PALD1: variants seen among roughly 807,000 people sequenced by gnomAD.
PALD1 encodes the protein paladin.
Under a neutral mutation model 96.0 loss-of-function variants are expected in PALD1, and 57 were observed. That is an observed-to-expected ratio of 0.59 (90% CI 0.48 to 0.74). PALD1 has a LOEUF of 0.74. Ranked by LOEUF, PALD1 falls within the 30% of genes least tolerant of loss-of-function variation. The pLI, the probability that PALD1 is intolerant of heterozygous loss-of-function variation, is 0.00. For synonymous variants in PALD1, 464 were observed against 473.6 expected, an observed-to-expected ratio of 0.98 and a Z score of 0.26; for missense variants, 1,063 against 1,143.7, an observed-to-expected ratio of 0.93 and a Z score of 1.02.
At chr10:70,561,319 A>G (rs1415917537) in intron 18 of PALD1, among the ~76,000 whole-genome samples, 1 of 152,248 alleles carries the variant, frequency 6.6e-6, no homozygotes, top group East Asian at 1.9e-4. Flanking sequence ...AAAGCAGTTT[A>G]GAATGGCTCT....
At chr10:70,498,802 C>G (rs1417960234) in intron 1 of PALD1, among the ~76,000 whole-genome samples, 6 of 151,942 alleles carry the variant, frequency 3.9e-5, no homozygotes, top group Admixed American at 3.9e-4. Context: ...GTAGCGCGTG[C>G]CTGTAAACCC....
intron 1 of PALD1, among the ~76,000 whole-genome samples, chr10:70,499,015 T>C (rs867876934): frequency 6.6e-6 from 1 of 152,154 alleles, no homozygotes; most frequent in African/African-American, 2.4e-5. Flanking sequence ...TAGCATTTGT[T>C]ATGTTTACCA....
At chr10:70,563,705 CAG>C (rs1309159982) in intron 18 of PALD1, among the ~76,000 whole-genome samples, 1 of 152,196 alleles carries the variant, frequency 6.6e-6, no homozygotes, top group African/African-American at 2.4e-5. Flanking sequence ...CCTTTGGGCT[CAG>C]AGGCCAAGAT....
intron 1 of PALD1, among the ~76,000 whole-genome samples, chr10:70,501,838 T>TGTGTGTGTGTGTGTGTGTGTGC (rs57837334): frequency 6.7e-6 from 1 of 150,330 alleles, no homozygotes; most frequent in African/African-American, 2.5e-5. Flanking sequence ...TGTGTGTGCG[T>TGTGTGTGTGTGTGTGTGTGTGC]GCGTGCATGC....
Position 70,480,784 on chromosome 10 carries a change from G to T in PALD1, c.-30+1725G>T, listed in dbSNP as rs183546161. 2.0e-3 allele frequency among the ~76,000 whole-genome samples: 309 copies of T among 152,350 alleles called. 1 individual carries two copies. Among genetic ancestry groups the T allele is most frequent in the African/African-American group, 7.1e-3 (294 of 41,578 alleles). ...CTCCAAACAGGTGGTGCACAGACCT[G>T]GGTTACCCAGGCACCTGTGGGGGAT... is the stretch of plus-strand genomic sequence containing the variant. On this transcript the variant is annotated intron_variant, in intron 1 of 19. Transcript: ENST00000263563.
At chr10:70,469,389 A>G in the PALD1 span, among the ~76,000 whole-genome samples, 1 of 151,872 alleles carries the variant, frequency 6.6e-6, no homozygotes, top group Non-Finnish European at 1.5e-5. Context: ...ACAACTGTTT[A>G]CTCCTAACTG....
intron 1 of PALD1, among the ~76,000 whole-genome samples, chr10:70,482,203 C>T (rs931525744): frequency 3.3e-5 from 5 of 152,072 alleles, no homozygotes; most frequent in South Asian, 2.1e-4. Context: ...TGTCCTCAGT[C>T]GGTGCCCACT....
chr10:70,490,261 G>T (rs1313600829), intron 1 of PALD1, among the ~76,000 whole-genome samples: 1 of 152,026 alleles, frequency 6.6e-6, no homozygotes, highest in South Asian at 2.1e-4. Flanking sequence ...TCACTCTGTT[G>T]CTCAGGCTGG....
At position 70,534,001 on chromosome 10, in the gene PALD1, G is replaced by T. The variant is rs1451867794; in HGVS notation, c.950G>T (p.Gly317Val). Residue 317 changes from glycine (G) to valine (V), a missense_variant, in exon 8 of 20, where the codon GGC becomes GTC. Coordinates refer to ENST00000263563, the MANE Select transcript of PALD1 (RefSeq NM_014431.3). ...ALVFSCQMGV[G>V]RTNLGMVLGT... ...GTCTTCAGCTGCCAGATGGGCGTGG[G>T]CAGGACCAACCTGGGCATGGTCCTG... 6.2e-7 allele frequency: 1 copy of T among 1,613,224 alleles called. No individual in the cohort carries two copies. The highest frequency in any genetic ancestry group is 8.5e-7 in the Non-Finnish European group (1 of 1,179,596).
chr10:70,468,319 C>T, the PALD1 span, among the ~76,000 whole-genome samples: 3 of 152,074 alleles, frequency 2.0e-5, no homozygotes, highest in South Asian at 6.2e-4. Context: ...TCTCGGCTCA[C>T]TGCAACCTTC....
upstream of PALD1, among the ~76,000 whole-genome samples, chr10:70,473,791 G>A (rs890909191): frequency 2.6e-5 from 4 of 152,050 alleles, no homozygotes; most frequent in African/African-American, 9.7e-5. Flanking sequence ...GATTACAGGC[G>A]CACGCCACTA....
chr10:70,472,617 T>C, the PALD1 span, among the ~76,000 whole-genome samples: 2 of 152,140 alleles, frequency 1.3e-5, no homozygotes, highest in African/African-American at 4.8e-5. Context: ...ACAGCCTTTT[T>C]ATTCAGGGAT....
intron 9 of PALD1, 66 bp downstream of exon 9, chr10:70,534,590 T>TCGGG: frequency 7.9e-7 from 1 of 1,262,144 alleles, no homozygotes; most frequent in South Asian, 1.3e-5. Flanking sequence ...CTCTCACTGG[T>TCGGG]CGGGGCTCTC....
At chr10:70,464,624 CTT>C in the PALD1 span, among the ~76,000 whole-genome samples, 50,339 of 115,026 alleles carry the variant, frequency 0.44, 11,241 homozygotes, top group Non-Finnish European at 0.56. Flanking sequence ...ACTGTACCTC[CTT>C]TTTTTTTTTT....
chr10:70,505,378 C>T (rs1273588797), intron 1 of PALD1, among the ~76,000 whole-genome samples: 1 of 151,860 alleles, frequency 6.6e-6, no homozygotes, highest in Non-Finnish European at 1.5e-5. Context: ...GGCGGATCAC[C>T]TGAGGTCGGG....
At chr10:70,564,034 A>G (rs1847791174) in intron 18 of PALD1, among the ~76,000 whole-genome samples, 1 of 152,104 alleles carries the variant, frequency 6.6e-6, no homozygotes, top group Non-Finnish European at 1.5e-5. Flanking sequence ...GGGCCTCAGC[A>G]TACCTCAGGC....
intron 18 of PALD1, among the ~76,000 whole-genome samples, chr10:70,564,054 G>C (rs1342872680): frequency 6.6e-6 from 1 of 152,122 alleles, no homozygotes; most frequent in Non-Finnish European, 1.5e-5. Flanking sequence ...CGCCATGCAG[G>C]GTATCTACAA....
In PALD1 at chr10:70,529,272, A is replaced by C; in HGVS notation, c.229A>C (p.Lys77Gln). 7.0e-7 allele frequency: 1 copy of C among 1,418,780 alleles called. No individual in the cohort carries two copies. Among genetic ancestry groups the C allele is most frequent in the Non-Finnish European group, 9.4e-7 (1 of 1,060,068 alleles). The allele number at this position is 1,418,780 out of a possible 1,614,324, so 87.9% of individuals were successfully genotyped here. A position where few individuals can be genotyped will look rare whatever the true frequency, so the allele number is the denominator to read the frequency against. ...EEFQIHDELL[K>Q]AHYTLGRLSD... ...GTTCCAGATCCATGATGAGCTGCTC[A>C]AGGCTCATTACACGTTGGGCCGGCT... Residue 77 changes from lysine to glutamine, a missense_variant, in exon 3 of 20, where the codon AAG becomes CAG. Lys to Gln is a moderately conservative substitution (Grantham distance 53). Coordinates refer to ENST00000263563, the MANE Select transcript of PALD1 (RefSeq NM_014431.3).
chr10:70,528,362 A>G (rs1471945858), intron 2 of PALD1, among the ~76,000 whole-genome samples: 1 of 152,252 alleles, frequency 6.6e-6, no homozygotes, highest in African/African-American at 2.4e-5. Context: ...GTGTGGAGGT[A>G]GAACTACAAT....
Sources: gnomAD v4.1 joint callset for allele counts (sites outside exome capture counted in the v4.1 genomes callset) on GRCh38, gnomAD v4.1.1 for gene constraint, MANE v1.5 for transcripts, NCBI Gene and HGNC (gene_info 2026-07-23, HGNC 2026-07-21) for gene names.